The following NRCAM variants were observed in gnomAD, a reference collection of about 807,000 sequenced individuals.
NRCAM encodes the protein NgCAM-related cell adhesion molecule.
NRCAM carries 83 observed loss-of-function variants against 156.5 expected under a neutral mutation model. The observed-to-expected ratio is 0.53, with a 90% CI of 0.44 to 0.64. NRCAM has a LOEUF of 0.64. Among genes scored for constraint, NRCAM ranks in the 30% least tolerant of loss-of-function variants. The pLI, the probability that NRCAM is intolerant of heterozygous loss-of-function variation, is 0.00. For synonymous variants in NRCAM, 538 were observed against 563.9 expected (o/e 0.95, Z 0.65); for missense variants, 1,417 against 1,597.3 (o/e 0.89, Z 1.92).
intron 13 of NRCAM, among the ~76,000 whole-genome samples, chr7:108,206,784 T>C (rs1047676536): frequency 1.3e-5 from 2 of 152,162 alleles, no homozygotes; most frequent in Admixed American, 1.3e-4. Context: ...AGCAGATTAA[T>C]GGGAGGGCCT....
chr7:108,264,766 A>G (rs1037406809), intron 3 of NRCAM, among the ~76,000 whole-genome samples: 1 of 152,206 alleles, frequency 6.6e-6, no homozygotes, highest in Admixed American at 6.5e-5. Context: ...CTAACCAGAA[A>G]TCAGAGCCTG....
At chr7:108,276,976 T>C (rs1440662088) in intron 3 of NRCAM, among the ~76,000 whole-genome samples, 1 of 152,176 alleles carries the variant, frequency 6.6e-6, no homozygotes. Flanking sequence ...AAGGATTTTA[T>C]GTCTCCTTCA....
intron 1 of NRCAM, among the ~76,000 whole-genome samples, chr7:108,432,869 G>A (rs1827204728): frequency 6.6e-6 from 1 of 151,540 alleles, no homozygotes; most frequent in Non-Finnish European, 1.5e-5. Flanking sequence ...CTCCAGCCTG[G>A]GTGACAGAGT....
At chr7:108,395,705 G>C (rs1039742974) in intron 2 of NRCAM, among the ~76,000 whole-genome samples, 10 of 152,136 alleles carry the variant, frequency 6.6e-5, no homozygotes, top group African/African-American at 1.9e-4. Context: ...TCCAAACTCT[G>C]AATACTTCTA....
chr7:108,449,902 T>C (rs1848410183), intron 1 of NRCAM, among the ~76,000 whole-genome samples: 1 of 139,514 alleles, frequency 7.2e-6, no homozygotes, highest in South Asian at 2.2e-4. Flanking sequence ...GCCCTAGAAA[T>C]AGATTTTTTT....
chr7:108,454,819 A>G (rs551393079), intron 1 of NRCAM, among the ~76,000 whole-genome samples: 13 of 152,354 alleles, frequency 8.5e-5, no homozygotes, highest in African/African-American at 2.6e-4. Flanking sequence ...GGAAGAGCCC[A>G]GTCTCTTAGA....
chr7:108,169,311 G>T (rs930570214), intron 28 of NRCAM, among the ~76,000 whole-genome samples: 3 of 152,060 alleles, frequency 2.0e-5, no homozygotes, highest in Non-Finnish European at 4.4e-5. Context: ...TACCTCAATA[G>T]CTTAAACTAA....
chr7:108,217,811 T>C (rs1039853373), intron 11 of NRCAM, among the ~76,000 whole-genome samples: 2 of 152,296 alleles, frequency 1.3e-5, no homozygotes, highest in South Asian at 4.1e-4. Context: ...GACTGCAGTG[T>C]TGGCAGCCAG....
At chr7:108,241,050 T>C (rs555847657) in intron 3 of NRCAM, among the ~76,000 whole-genome samples, 4 of 152,182 alleles carry the variant, frequency 2.6e-5, no homozygotes, top group East Asian at 1.9e-4. Context: ...TTATTTCTTA[T>C]GGATCAGTTA....
At chr7:108,212,040 G>A (rs1382742599) in intron 11 of NRCAM, among the ~76,000 whole-genome samples, 3 of 152,172 alleles carry the variant, frequency 2.0e-5, no homozygotes, top group Non-Finnish European at 4.4e-5. Flanking sequence ...GGTATCTATG[G>A]TGGAGAGGCC....
In NRCAM at chr7:108,431,672, C is replaced by T. The variant is rs140761522; in HGVS notation, c.-332+24571G>A. On this transcript the variant is annotated intron_variant, in intron 1 of 32. Transcript: ENST00000379028. ...CGGTGACATGCACCCGTAGTCCCAG[C>T]TACTCAGGTGGCTGAGGTAGGAAAA... 2.7e-3 allele frequency among the ~76,000 whole-genome samples: 418 copies of T among 152,264 alleles called. 6 individuals carry two copies. The highest frequency in any genetic ancestry group is 9.5e-3 in the East Asian group (49 of 5,172).
chr7:108,334,228 G>A (rs2099156106), intron 2 of NRCAM, among the ~76,000 whole-genome samples: 1 of 152,116 alleles, frequency 6.6e-6, no homozygotes, highest in East Asian at 1.9e-4. Flanking sequence ...AGCACAACCA[G>A]AAGTGTATGT....
chr7:108,220,512 G>A (rs192816844), intron 11 of NRCAM, among the ~76,000 whole-genome samples: 2 of 152,222 alleles, frequency 1.3e-5, no homozygotes, highest in Admixed American at 6.5e-5. Context: ...AAAGACCAGT[G>A]GAACAGAATA....
intron 3 of NRCAM, among the ~76,000 whole-genome samples, chr7:108,246,802 T>C (rs1280691983): frequency 1.3e-5 from 2 of 152,234 alleles, no homozygotes; most frequent in African/African-American, 4.8e-5. Context: ...ATTTCATTAA[T>C]ATGGCAGGTA....
At chr7:108,229,657 C>T (rs2094028942) in intron 8 of NRCAM, among the ~76,000 whole-genome samples, 1 of 152,164 alleles carries the variant, frequency 6.6e-6, no homozygotes, top group Admixed American at 6.5e-5. Flanking sequence ...AGGTTTCAAA[C>T]ATTGCTGATC....
chr7:108,176,790 T>C, intron 26 of NRCAM, 184 bp from the exon 27 acceptor site: 2 of 536,922 alleles, frequency 3.7e-6, no homozygotes, highest in Non-Finnish European at 6.6e-6. Flanking sequence ...TGTTCTATCA[T>C]ATCGTATCAT....
intron 3 of NRCAM, among the ~76,000 whole-genome samples, chr7:108,308,371 A>G (rs2098750137): frequency 6.6e-6 from 1 of 152,246 alleles, no homozygotes. Context: ...CAGCAAGGAA[A>G]AGAAATCAAA....
Position 108,194,154 on chromosome 7 carries a change from T to G in NRCAM, c.1648A>C (p.Lys550Gln). The change falls in exon 17 of 33, where the codon AAA (lysine) becomes CAA (glutamine). Residue 550 changes from lysine to glutamine, a missense_variant. Coordinates refer to ENST00000379028, the MANE Select transcript of NRCAM (RefSeq NM_001037132.4). The part of the protein sequence containing the change: ...LEIKDPTWIV[K>Q]QPEYAVVQRG... ...TGCACAACTGCATATTCGGGCTGTT[T>G]AACGATCCATGTAGGATCTGAAATG... The G allele has an allele frequency of 6.2e-7, 1 of 1,614,086 alleles. No individual in the cohort carries two copies. Among genetic ancestry groups the G allele is most frequent in the East Asian group, 2.2e-5 (1 of 44,878 alleles).
chr7:108,379,089 G>A (rs1003644516), intron 2 of NRCAM, among the ~76,000 whole-genome samples: 1 of 151,990 alleles, frequency 6.6e-6, no homozygotes, highest in East Asian at 1.9e-4. Context: ...AAAATACTAA[G>A]TTCAATCTAT....
Sources: allele counts gnomAD v4.1 joint callset (sites outside exome capture counted in the v4.1 genomes callset), GRCh38; gene constraint gnomAD v4.1.1; transcripts MANE v1.5; gene names NCBI Gene and HGNC (gene_info 2026-07-23, HGNC 2026-07-21).